The following SMCHD1 variants were observed in gnomAD, a reference collection of about 807,000 sequenced individuals.
SMCHD1 encodes the protein structural maintenance of chromosomes flexible hinge domain containing 1.
SMCHD1 carries 78 observed loss-of-function variants against 254.7 expected under a neutral mutation model. That is an observed-to-expected ratio of 0.31 (90% CI 0.26 to 0.37). The LOEUF is 0.37. Ranked by LOEUF, SMCHD1 falls within the 10% of genes least tolerant of loss-of-function variation. The pLI is 1.00. For synonymous variants in SMCHD1, 766 were observed against 794.9 expected, an observed-to-expected ratio of 0.96 and a Z score of 0.61; for missense variants, 1,840 against 2,408.1, an observed-to-expected ratio of 0.76 and a Z score of 4.94.
chr18:2,663,534 A>T (rs2073352336), intron 1 of SMCHD1, among the ~76,000 whole-genome samples: 2 of 152,226 alleles, frequency 1.3e-5, no homozygotes, highest in South Asian at 4.1e-4. Context: ...TTTTTGTCTA[A>T]GTTAAGGTGT....
At chr18:2,785,188 A>G (rs1056099300) in intron 45 of SMCHD1, among the ~76,000 whole-genome samples, 3 of 152,198 alleles carry the variant, frequency 2.0e-5, no homozygotes, top group Non-Finnish European at 2.9e-5. Context: ...TATACTTACC[A>G]GGAAGTCTCC....
At chr18:2,673,258 A>G (rs766938462) in intron 3 of SMCHD1, 23 bp from the exon 4 acceptor site, 1 of 1,568,186 alleles carries the variant, frequency 6.4e-7, no homozygotes, top group Admixed American at 1.8e-5. Flanking sequence ...AAAGTTAAGC[A>G]ATGTTTTCTT....
At chr18:2,703,969 T>G in intron 13 of SMCHD1, 83 bp downstream of exon 13, 1 of 1,095,778 alleles carries the variant, frequency 9.1e-7, no homozygotes, top group Admixed American at 3.5e-5. Context: ...GTATAGAAAA[T>G]AAGCTATTTT....
chr18:2,692,287 G>C (rs750442518), intron 7 of SMCHD1, among the ~76,000 whole-genome samples: 6 of 152,196 alleles, frequency 3.9e-5, no homozygotes, highest in African/African-American at 7.2e-5. Context: ...AGTGGCTCAT[G>C]CCTGTAATCC....
chr18:2,751,137 C>T (rs2075563036), intron 32 of SMCHD1, 141 bp from the exon 33 acceptor site: 2 of 552,474 alleles, frequency 3.6e-6, no homozygotes, highest in African/African-American at 2.0e-5. Flanking sequence ...TTATACATTT[C>T]TTCATCAGAA....
At chr18:2,770,705 C>T (rs2075962493) in intron 39 of SMCHD1, among the ~76,000 whole-genome samples, 1 of 152,164 alleles carries the variant, frequency 6.6e-6, no homozygotes, top group South Asian at 2.1e-4. Flanking sequence ...ACTGCACCCT[C>T]TGCCTCCCAA....
At chr18:2,658,704 G>A (rs913697896) in intron 1 of SMCHD1, among the ~76,000 whole-genome samples, 1 of 152,016 alleles carries the variant, frequency 6.6e-6, no homozygotes, top group East Asian at 1.9e-4. Flanking sequence ...TTACGTACTC[G>A]AAGAACTGAA....
At chr18:2,781,211 T>C (rs2076152502) in intron 44 of SMCHD1, among the ~76,000 whole-genome samples, 1 of 152,206 alleles carries the variant, frequency 6.6e-6, no homozygotes, top group Non-Finnish European at 1.5e-5. Context: ...GCCACCTTCA[T>C]CTCAACTCCA....
At chr18:2,709,730 A>C (rs116686499) in intron 17 of SMCHD1, among the ~76,000 whole-genome samples, 1 of 152,080 alleles carries the variant, frequency 6.6e-6, no homozygotes, top group African/African-American at 2.4e-5. Context: ...ACAAAGGTCT[A>C]TTCAGGTCCT....
At chr18:2,720,092 G>T (rs977971457) in intron 19 of SMCHD1, among the ~76,000 whole-genome samples, 4 of 152,222 alleles carry the variant, frequency 2.6e-5, no homozygotes, top group Admixed American at 6.5e-5. Context: ...CTCCCAAAGT[G>T]CTGGGATTAC....
rs546015521 is a variant in SMCHD1, at chr18:2,659,422, ATTG to A, written c.186+3164_186+3166del. Among the ~76,000 whole-genome samples the A allele has an allele frequency of 3.6e-3, 550 of 152,254 alleles. 2 individuals are homozygous for A. Among genetic ancestry groups the A allele is most frequent in the African/African-American group, 0.013 (523 of 41,564 alleles). ...CATGAGCCACCACGCCCAGCTCTAA[ATTG>A]TTATTTGAATAAAGTTCACCTCATG... is the stretch of plus-strand genomic sequence containing the variant. On this transcript the variant is annotated intron_variant, in intron 1 of 47. Coordinates refer to ENST00000320876, the MANE Select transcript of SMCHD1 (RefSeq NM_015295.3).
chr18:2,779,599 G>A (rs1183392960), intron 44 of SMCHD1, among the ~76,000 whole-genome samples: 1 of 152,016 alleles, frequency 6.6e-6, no homozygotes, highest in Non-Finnish European at 1.5e-5. Flanking sequence ...GGGACTATAG[G>A]GATCATCTAG....
Position 2,802,793 on chromosome 18 carries a change from C to A in SMCHD1, c.*241C>A, listed in dbSNP as rs555017559. On this transcript the variant is annotated 3_prime_UTR_variant, in exon 48 of 48. Transcript: ENST00000320876. ...TCCAGACATTATGCCCTTTGGTTGT[C>A]ACTACCTTGCAAATGTGTAAGAGGA... is the stretch of plus-strand genomic sequence containing the variant. 5.6e-5 allele frequency: 22 copies of A among 390,246 alleles called. No individual in the cohort carries two copies. The highest frequency in any genetic ancestry group is 4.1e-4 in the African/African-American group (20 of 48,242). 24.2% of individuals were successfully genotyped at this position (390,246 alleles called of 1,614,324 possible). A position where few individuals can be genotyped will look rare whatever the true frequency, so the allele number is the denominator to read the frequency against.
chr18:2,696,085 C>T (rs1337572965), intron 8 of SMCHD1, among the ~76,000 whole-genome samples: 1 of 152,102 alleles, frequency 6.6e-6, no homozygotes, highest in Non-Finnish European at 1.5e-5. Flanking sequence ...TAATCCTGAA[C>T]AATGTTACCA....
In SMCHD1 at chr18:2,690,958, GAAA is replaced by G. The variant is rs34253034; in HGVS notation, c.873+2225_873+2227del. ...GCAAAATGTTGGCCATTTGATAATT[GAAA>G]AAAAAAAAAAAAACCTTTTCTTTCA... On this transcript the variant is annotated intron_variant, in intron 7 of 47. Transcript: ENST00000320876. 4.5e-3 allele frequency among the ~76,000 whole-genome samples: 598 copies of G among 134,130 alleles called. 5 individuals carry two copies. The highest frequency in any genetic ancestry group is 0.016 in the African/African-American group (576 of 36,442). 88.0% of individuals were successfully genotyped at this position (134,130 alleles called of 152,430 possible). A position where few individuals can be genotyped will look rare whatever the true frequency, so the allele number is the denominator to read the frequency against.
At chr18:2,664,686 T>C (rs1483166839) in intron 1 of SMCHD1, among the ~76,000 whole-genome samples, 1 of 152,224 alleles carries the variant, frequency 6.6e-6, no homozygotes, top group Admixed American at 6.5e-5. Context: ...TGTGGGTGTT[T>C]CACCCACTCA....
At chr18:2,733,115 G>A (rs186556282) in intron 25 of SMCHD1, among the ~76,000 whole-genome samples, 1 of 152,290 alleles carries the variant, frequency 6.6e-6, no homozygotes, top group African/African-American at 2.4e-5. Flanking sequence ...CAGCTTTTTA[G>A]CATTCCTTTG....
intron 25 of SMCHD1, among the ~76,000 whole-genome samples, chr18:2,737,775 TAGAG>T (rs967712054): frequency 5.7e-4 from 86 of 152,066 alleles, no homozygotes; most frequent in African/African-American, 2.0e-3. Context: ...TAAATAAAAG[TAGAG>T]AGAAAGTTGA....
chr18:2,788,119 A>G (rs913626539), intron 45 of SMCHD1, among the ~76,000 whole-genome samples: 2 of 152,182 alleles, frequency 1.3e-5, no homozygotes, highest in East Asian at 3.8e-4. Flanking sequence ...TCATTCTCAG[A>G]GCAAAAGCAA....
Sources: gnomAD v4.1 joint callset for allele counts (sites outside exome capture counted in the v4.1 genomes callset) on GRCh38, gnomAD v4.1.1 for gene constraint, MANE v1.5 for transcripts, NCBI Gene and HGNC (gene_info 2026-07-23, HGNC 2026-07-21) for gene names.